Variants in ITPR2 observed in about 807,000 individuals in gnomAD.
ITPR2 encodes inositol 1,4,5-trisphosphate receptor type 2.
Under a neutral mutation model 317.1 loss-of-function variants are expected in ITPR2, and 207 were observed. The ratio of observed to expected loss-of-function variants is 0.65; its 90% confidence interval spans 0.58 to 0.73. The LOEUF (loss-of-function observed/expected upper bound fraction) is 0.73. Ranked by LOEUF, ITPR2 falls within the 30% of genes least tolerant of loss-of-function variation. ITPR2 has a pLI of 0.00. For missense variants in ITPR2, 2,613 were observed against 3,284.0 expected, an observed-to-expected ratio of 0.80 and a Z score of 4.99; for synonymous variants, 1,156 against 1,149.1, an observed-to-expected ratio of 1.01 and a Z score of -0.12.
At chr12:26,616,581 T>TACC (rs2136788999) in intron 26 of ITPR2, among the ~76,000 whole-genome samples, 1 of 152,336 alleles carries the variant, frequency 6.6e-6, no homozygotes, top group East Asian at 1.9e-4. Flanking sequence ...AAGAAAATTA[T>TACC]ACCACCAATT....
chr12:26,817,994 T>G (rs1950887400), intron 1 of ITPR2, among the ~76,000 whole-genome samples: 1 of 152,190 alleles, frequency 6.6e-6, no homozygotes, highest in Admixed American at 6.5e-5. Context: ...ACTCAATTAC[T>G]TCTATTAGTA....
chr12:26,434,275 T>C (rs1941294548), intron 48 of ITPR2, among the ~76,000 whole-genome samples: 2 of 152,198 alleles, frequency 1.3e-5, no homozygotes. Context: ...TCCATAAGAA[T>C]ACAGATTTGT....
intron 2 of ITPR2, among the ~76,000 whole-genome samples, chr12:26,761,670 GC>G (rs1171389377): frequency 1.3e-5 from 2 of 152,204 alleles, no homozygotes; most frequent in Non-Finnish European, 2.9e-5. Flanking sequence ...AGTGGCACAT[GC>G]CTGTAGTTCC....
At chr12:26,555,135 T>C (rs1319038293) in intron 36 of ITPR2, among the ~76,000 whole-genome samples, 4 of 152,192 alleles carry the variant, frequency 2.6e-5, no homozygotes, top group Non-Finnish European at 5.9e-5. Context: ...ACCCCACCTA[T>C]TCTTCAACAT....
At chr12:26,430,689 CAA>C (rs1169653435) in intron 48 of ITPR2, among the ~76,000 whole-genome samples, 1 of 152,080 alleles carries the variant, frequency 6.6e-6, no homozygotes. Context: ...TTTAATAATA[CAA>C]AAAGTTTTAT....
intron 37 of ITPR2, among the ~76,000 whole-genome samples, chr12:26,498,181 A>G (rs538418977): frequency 5.3e-5 from 8 of 152,358 alleles, no homozygotes; most frequent in Admixed American, 2.6e-4. Context: ...AGACCTCTTC[A>G]TAATGGGGTG....
At chr12:26,497,116 A>G (rs1309177467) in intron 37 of ITPR2, among the ~76,000 whole-genome samples, 2 of 145,472 alleles carry the variant, frequency 1.4e-5, no homozygotes, top group East Asian at 4.1e-4. Context: ...TTCCTACATT[A>G]TATTTTAACC....
At chr12:26,786,637 CACA>C (rs1950256921) in intron 2 of ITPR2, among the ~76,000 whole-genome samples, 2 of 152,064 alleles carry the variant, frequency 1.3e-5, no homozygotes, top group Non-Finnish European at 2.9e-5. Flanking sequence ...TTCCTCTGTT[CACA>C]AGTGAGGTAA....
At position 26,496,817 on chromosome 12, in the gene ITPR2, G is replaced by A. The variant is rs370847862; in HGVS notation, c.5074-1557C>T. Among the ~76,000 whole-genome samples, 68 of 151,728 alleles carry A rather than the reference G, an allele frequency of 4.5e-4. 1 individual carries two copies. The South Asian group carries it at 8.8e-3, about 20-fold the overall frequency. On this transcript the variant is annotated intron_variant, in intron 37 of 56. Transcript: ENST00000381340. ...AAATTAGCCAGGCGTGGTGGTGGGC[G>A]CCTGTAGTCCCAGCTACTTGGGAGG...
At chr12:26,356,863 T>C (rs1938657017) in intron 55 of ITPR2, among the ~76,000 whole-genome samples, 1 of 152,200 alleles carries the variant, frequency 6.6e-6, no homozygotes, top group Non-Finnish European at 1.5e-5. Flanking sequence ...ATACATTTTT[T>C]CTATTTTTGA....
chr12:26,368,285 T>C (rs1939078088), intron 55 of ITPR2, among the ~76,000 whole-genome samples: 1 of 152,182 alleles, frequency 6.6e-6, no homozygotes, highest in Non-Finnish European at 1.5e-5. Flanking sequence ...AAGCAGTAAC[T>C]TGGCCAAACT....
chr12:26,391,909 T>C (rs886383901), intron 54 of ITPR2, among the ~76,000 whole-genome samples: 1 of 152,106 alleles, frequency 6.6e-6, no homozygotes, highest in Non-Finnish European at 1.5e-5. Context: ...TTCAGAGCTA[T>C]ACTTCAAGTC....
At chr12:26,758,119 A>C (rs368104692) in intron 2 of ITPR2, among the ~76,000 whole-genome samples, 3 of 152,054 alleles carry the variant, frequency 2.0e-5, no homozygotes, top group African/African-American at 7.2e-5. Flanking sequence ...TCTATCTCTC[A>C]ATCTCACCAG....
chr12:26,721,281 C>A (rs757673148), intron 5 of ITPR2: 2 of 589,706 alleles, frequency 3.4e-6, no homozygotes, highest in East Asian at 2.8e-5. Context: ...TCTACCAAAC[C>A]TTACCAAAGG....
intron 2 of ITPR2, among the ~76,000 whole-genome samples, chr12:26,748,023 A>T (rs1194649321): frequency 6.6e-6 from 1 of 151,956 alleles, no homozygotes; most frequent in African/African-American, 2.4e-5. Flanking sequence ...TGAAGAAATC[A>T]TTTTTCCAGG....
intron 4 of ITPR2, among the ~76,000 whole-genome samples, chr12:26,723,465 A>G (rs572935474): frequency 6.6e-6 from 1 of 152,142 alleles, no homozygotes; most frequent in African/African-American, 2.4e-5. Context: ...GACAAGAAAC[A>G]TAAGTTCCAC....
At chr12:26,513,656 T>C (rs1200715555) in intron 37 of ITPR2, among the ~76,000 whole-genome samples, 4 of 152,112 alleles carry the variant, frequency 2.6e-5, no homozygotes, top group African/African-American at 9.7e-5. Flanking sequence ...TCCAGGTTTC[T>C]CTTGTCTCAG....
At chr12:26,557,796 A>C (rs1944704559) in intron 35 of ITPR2, among the ~76,000 whole-genome samples, 1 of 152,256 alleles carries the variant, frequency 6.6e-6, no homozygotes, top group Non-Finnish European at 1.5e-5. Flanking sequence ...GCAGGTAATC[A>C]TAATTTCCTA....
chr12:26,528,235 G>T (rs1327739072), intron 37 of ITPR2, among the ~76,000 whole-genome samples: 1 of 152,158 alleles, frequency 6.6e-6, no homozygotes, highest in East Asian at 1.9e-4. Context: ...ACTTTCAATG[G>T]TTCCAGCTCC....
Sources: allele counts gnomAD v4.1 joint callset (sites outside exome capture counted in the v4.1 genomes callset), GRCh38; gene constraint gnomAD v4.1.1; transcripts MANE v1.5; gene names NCBI Gene and HGNC (gene_info 2026-07-23, HGNC 2026-07-21).